The following RB1 variants were observed in gnomAD, a reference collection of about 807,000 sequenced individuals.
RB1 encodes RB transcriptional corepressor 1.
Under a neutral mutation model 135.4 loss-of-function variants are expected in RB1, and 18 were observed. That is an observed-to-expected ratio of 0.13 (90% CI 0.09 to 0.20). RB1 has a LOEUF of 0.20. Among genes scored for constraint, RB1 ranks in the 10% least tolerant of loss-of-function variants. The probability of loss-of-function intolerance (pLI) is 1.00; values close to 1 mark genes in which losing one functional copy is unlikely to be tolerated. For synonymous variants in RB1, 365 were observed against 373.2 expected (o/e 0.98, Z 0.25); for missense variants, 868 against 1,110.0 (o/e 0.78, Z 3.10).
In RB1 at chr13:48,328,390, C is replaced by G. The variant is rs1025006707; in HGVS notation, c.265-14209C>G. The G allele has an allele frequency of 6.5e-5, 98 of 1,517,462 alleles. 1 individual carries two copies. Among genetic ancestry groups the G allele is most frequent in the Non-Finnish European group, 8.6e-5 (94 of 1,093,920 alleles). The allele number at this position is 1,517,462 out of a possible 1,614,324, so 94.0% of individuals were successfully genotyped here. A position where few individuals can be genotyped will look rare whatever the true frequency, so the allele number is the denominator to read the frequency against. ...GATGCTTTCTTTGTCGTCTGACTAC[C>G]TATGGCAAATCCAAAGTTGGAGATC... On this transcript the variant is annotated intron_variant, in intron 2 of 26. Transcript: ENST00000267163.
chr13:48,463,885 A>G (rs1262460830), intron 21 of RB1, 50 bp downstream of exon 21: 1 of 1,065,532 alleles, frequency 9.4e-7, no homozygotes. Context: ...TATCCATAAC[A>G]TAACATAGGT....
rs2138034538 is a variant in RB1, at chr13:48,307,394, G to A, written c.252G>A (p.Val84=). ...TAACTTGGGAGAAAGTTTCATCTGT[G>A]GATGGAGTATTGGTAAGGATTTTCT... is the stretch of plus-strand genomic sequence containing the variant. ...AWLTWEKVSS[V]DGVLGGYIQK... Residue 84 remains valine (V), a synonymous_variant, in exon 2 of 27, where the codon GTG becomes GTA. Coordinates refer to ENST00000267163, the MANE Select transcript of RB1 (RefSeq NM_000321.3). 6.2e-7 allele frequency: 1 copy of A among 1,613,290 alleles called. No individual in the cohort carries two copies. The highest frequency in any genetic ancestry group is 8.5e-7 in the Non-Finnish European group (1 of 1,179,546).
At chr13:48,397,221 A>G (rs1421993293) in intron 17 of RB1, among the ~76,000 whole-genome samples, 1 of 152,234 alleles carries the variant, frequency 6.6e-6, no homozygotes, top group African/African-American at 2.4e-5. Flanking sequence ...ACTATTCACA[A>G]TAGCAAAGAC....
intron 6 of RB1, among the ~76,000 whole-genome samples, chr13:48,349,722 A>T (rs1374805424): frequency 6.6e-6 from 1 of 152,112 alleles, no homozygotes; most frequent in Non-Finnish European, 1.5e-5. Context: ...AATGGACTAA[A>T]GTCTCTAATT....
At chr13:48,313,526 G>GTT (rs3085650) in intron 2 of RB1, among the ~76,000 whole-genome samples, 11 of 133,342 alleles carry the variant, frequency 8.2e-5, no homozygotes, top group African/African-American at 1.6e-4. Context: ...GTTTTTTTTT[G>GTT]TTTTTTTTTT....
intron 1 of RB1, among the ~76,000 whole-genome samples, chr13:48,304,689 A>G (rs1952063920): frequency 6.6e-6 from 1 of 152,228 alleles, no homozygotes; most frequent in Non-Finnish European, 1.5e-5. Flanking sequence ...GATGGAGCGT[A>G]ACTCTTTAGA....
At chr13:48,359,565 A>C (rs1952620435) in intron 6 of RB1, among the ~76,000 whole-genome samples, 1 of 147,668 alleles carries the variant, frequency 6.8e-6, no homozygotes, top group Admixed American at 6.7e-5. Context: ...TAAAAATTTG[A>C]ATTCTAATTA....
intron 2 of RB1, among the ~76,000 whole-genome samples, chr13:48,342,395 T>C (rs1952453428): frequency 6.6e-6 from 1 of 151,996 alleles, no homozygotes; most frequent in Non-Finnish European, 1.5e-5. Context: ...TGCCTTATAA[T>C]ATAAAATTTG....
intron 2 of RB1, among the ~76,000 whole-genome samples, chr13:48,316,417 A>G (rs534493474): frequency 1.3e-5 from 2 of 152,250 alleles, no homozygotes; most frequent in Non-Finnish European, 1.5e-5. Context: ...CTCACCAGCA[A>G]TCAACCAAAA....
intron 18 of RB1, among the ~76,000 whole-genome samples, chr13:48,454,982 G>C (rs1009290218): frequency 1.3e-5 from 2 of 152,172 alleles, no homozygotes; most frequent in Non-Finnish European, 2.9e-5. Context: ...AAGTACAGGT[G>C]GGTTTGGAGG....
intron 24 of RB1, among the ~76,000 whole-genome samples, chr13:48,475,177 C>A (rs990657730): frequency 1.3e-5 from 2 of 152,168 alleles, no homozygotes; most frequent in Non-Finnish European, 2.9e-5. Context: ...GGCCAGAGAG[C>A]TTATATTCTT....
intron 2 of RB1, among the ~76,000 whole-genome samples, chr13:48,310,355 A>G (rs1197909338): frequency 1.3e-5 from 2 of 152,156 alleles, no homozygotes; most frequent in African/African-American, 4.8e-5. Flanking sequence ...AATAGAAAGT[A>G]GGTGATGTTT....
intron 2 of RB1, among the ~76,000 whole-genome samples, chr13:48,332,422 T>A (rs1433558632): frequency 1.3e-5 from 2 of 152,078 alleles, no homozygotes; most frequent in East Asian, 1.9e-4. Context: ...TTAAAAAAAA[T>A]TTTACAGGCG....
chr13:48,324,846 TTTTTTTTG>T lies in RB1; in HGVS notation c.264+17444_264+17451del, dbSNP rs1489426219. Among the ~76,000 whole-genome samples the T allele has an allele frequency of 2.9e-5, 4 of 139,138 alleles. No individual in the cohort carries two copies. The East Asian group carries it at 8.2e-4, about 29-fold the overall frequency. The allele number at this position is 139,138 out of a possible 152,430, so 91.3% of individuals were successfully genotyped here. ...TGCCACAAGCAGTTGTGCTTTTGTT[TTTTTTTTG>T]TTTGTTTGTTTTTGTTTTTGTTTTT... On this transcript the variant is annotated intron_variant, in intron 2 of 26. Coordinates refer to ENST00000267163, the MANE Select transcript of RB1 (RefSeq NM_000321.3).
chr13:48,366,227 T>C (rs1187356685), intron 9 of RB1, among the ~76,000 whole-genome samples: 1 of 152,216 alleles, frequency 6.6e-6, no homozygotes, highest in Non-Finnish European at 1.5e-5. Context: ...AAATCTGTTG[T>C]AGCAATCTTT....
At chr13:48,470,659 A>ACT (rs769133224) in intron 23 of RB1, among the ~76,000 whole-genome samples, 233 of 19,324 alleles carry the variant, frequency 0.012, 7 homozygotes, top group Middle Eastern at 0.075. Flanking sequence ...TTCGCAACCT[A>ACT]CTCATCTGAC....
In RB1 at chr13:48,333,252, C is replaced by T. The variant is rs1952352374; in HGVS notation, c.265-9347C>T. 3 of 390,364 alleles carry T rather than the reference C, an allele frequency of 7.7e-6. No individual in the cohort carries two copies. In the Admixed American group the frequency reaches 1.3e-4, roughly 17 times the overall value. The allele number at this position is 390,364 out of a possible 1,614,324, so 24.2% of individuals were successfully genotyped here. A position where few individuals can be genotyped will look rare whatever the true frequency, so the allele number is the denominator to read the frequency against. Reference sequence around the variant, plus strand: ...GGTGATTTCCTTTTTTGAAACAGCACATGTCATATTTGGTAAAAGGAGTTG... The same window carrying T: ...GGTGATTTCCTTTTTTGAAACAGCATATGTCATATTTGGTAAAAGGAGTTG... On this transcript the variant is annotated intron_variant, in intron 2 of 26. Coordinates refer to ENST00000267163, the MANE Select transcript of RB1 (RefSeq NM_000321.3).
At chr13:48,369,202 T>A (rs1000898757) in intron 11 of RB1, among the ~76,000 whole-genome samples, 2 of 152,230 alleles carry the variant, frequency 1.3e-5, no homozygotes, top group Non-Finnish European at 2.9e-5. Flanking sequence ...GGATTAGAAC[T>A]ATTTTTTATG....
At position 48,473,284 on chromosome 13, in the gene RB1, G is replaced by T. The variant is rs1378523654; in HGVS notation, c.2490-76G>T. ...TTTGGTATTCCTAATAGTTCAGAAT[G>T]ATGTATTTATGCTCATCTCTGCAAA... On this transcript the variant is annotated intron_variant, in intron 23 of 26. Coordinates refer to ENST00000267163, the MANE Select transcript of RB1 (RefSeq NM_000321.3). The T allele has an allele frequency of 8.8e-7, 1 of 1,132,806 alleles. No homozygotes were observed. 70.2% of individuals were successfully genotyped at this position (1,132,806 alleles called of 1,614,324 possible).
Sources: gnomAD v4.1 joint callset for allele counts (sites outside exome capture counted in the v4.1 genomes callset) on GRCh38, gnomAD v4.1.1 for gene constraint, MANE v1.5 for transcripts, NCBI Gene and HGNC (gene_info 2026-07-23, HGNC 2026-07-21) for gene names.